Variants in LRP1B observed in about 807,000 individuals in gnomAD.
LRP1B encodes low-density lipoprotein receptor-related protein 1B.
Under a neutral mutation model 556.6 loss-of-function variants are expected in LRP1B, and 217 were observed. The ratio of observed to expected loss-of-function variants is 0.39; its 90% CI spans 0.35 to 0.44. The LOEUF (loss-of-function observed/expected upper bound fraction) is 0.44. Among genes scored for constraint, LRP1B ranks in the 20% least tolerant of loss-of-function variants. LRP1B has a pLI of 1.00. For synonymous variants in LRP1B, 2,047 were observed against 1,865.8 expected, an observed-to-expected ratio of 1.10 and a Z score of -2.50; for missense variants, 5,053 against 5,620.8, an observed-to-expected ratio of 0.90 and a Z score of 3.23.
chr2:141,207,067 T>C (rs1682317826), intron 6 of LRP1B, among the ~76,000 whole-genome samples: 1 of 152,202 alleles, frequency 6.6e-6, no homozygotes, highest in Non-Finnish European at 1.5e-5. Context: ...AGCACAATTT[T>C]GATAAAGACC....
chr2:141,356,914 G>A (rs57659611), intron 3 of LRP1B, among the ~76,000 whole-genome samples: 3,123 of 152,058 alleles, frequency 0.021, 108 homozygotes, highest in African/African-American at 0.069. Context: ...AGGTTAAAAC[G>A]CCAATTATTT....
chr2:141,426,345 C>T (rs576476450), intron 3 of LRP1B, among the ~76,000 whole-genome samples: 34 of 152,136 alleles, frequency 2.2e-4, no homozygotes, highest in African/African-American at 7.2e-4. Flanking sequence ...AGTTTGAAGT[C>T]AGGTAGCGTG....
At chr2:142,130,466 A>G (rs1574717502) in intron 1 of LRP1B, among the ~76,000 whole-genome samples, 182 bp downstream of exon 1, 1 of 152,330 alleles carries the variant, frequency 6.6e-6, no homozygotes, top group Admixed American at 6.5e-5. Flanking sequence ...GGACTCAGGC[A>G]CTTGGTTCAG....
intron 1 of LRP1B, among the ~76,000 whole-genome samples, chr2:142,019,742 C>G (rs1023449216): frequency 6.6e-6 from 1 of 152,162 alleles, no homozygotes; most frequent in Admixed American, 6.5e-5. Flanking sequence ...CCAGGATGAC[C>G]ATTGACTTCC....
At chr2:140,624,758 T>G (rs955307114) in intron 41 of LRP1B, among the ~76,000 whole-genome samples, 2 of 152,148 alleles carry the variant, frequency 1.3e-5, no homozygotes, top group African/African-American at 4.8e-5. Context: ...ATTGATGAGA[T>G]AGACAACAAA....
chr2:140,801,632 C>T (rs190616319), intron 32 of LRP1B, among the ~76,000 whole-genome samples: 1 of 148,742 alleles, frequency 6.7e-6, no homozygotes, highest in African/African-American at 2.5e-5. Context: ...GCTAATAATG[C>T]TTTGGATTTT....
chr2:140,830,157 T>C (rs546471242), intron 31 of LRP1B, among the ~76,000 whole-genome samples: 9 of 152,154 alleles, frequency 5.9e-5, no homozygotes, highest in African/African-American at 2.2e-4. Flanking sequence ...ACCTGATGAC[T>C]TCACTAGCAA....
chr2:142,118,476 C>T (rs954015503), intron 1 of LRP1B, among the ~76,000 whole-genome samples: 9 of 152,244 alleles, frequency 5.9e-5, no homozygotes, highest in African/African-American at 1.4e-4. Context: ...TCTGTTCCAA[C>T]GGGTCAACAT....
chr2:141,040,851 C>T (rs778300624), intron 11 of LRP1B, among the ~76,000 whole-genome samples: 16 of 152,038 alleles, frequency 1.1e-4, no homozygotes, highest in Non-Finnish European at 2.4e-4. Flanking sequence ...GAATATAGCA[C>T]TGTCCTTTCA....
Position 141,005,213 on chromosome 2 carries a change from A to G in LRP1B, c.2503+122T>C, listed in dbSNP as rs536924962. ...AATAATTTATAGTCTAAAAAGAATT[A>G]TATCTAAATAATTATCTGAATTTCT... On this transcript the variant is annotated intron_variant, in intron 15 of 90. Transcript: ENST00000389484. 6.5e-6 allele frequency: 7 copies of G among 1,079,280 alleles called. No homozygotes were observed. The South Asian group carries it at 1.1e-4, about 18-fold the overall frequency. The allele number at this position is 1,079,280 out of a possible 1,614,324, so 66.9% of individuals were successfully genotyped here.
At position 141,005,377 on chromosome 2, in the gene LRP1B, C is replaced by T; in HGVS notation, c.2461G>A (p.Ala821Thr). 6.2e-7 allele frequency: 1 copy of T among 1,610,770 alleles called. No individual in the cohort carries two copies. Among genetic ancestry groups the T allele is most frequent in the Non-Finnish European group, 8.5e-7 (1 of 1,177,898 alleles). The change falls in exon 15 of 91, where the codon GCC (alanine) becomes ACC (threonine). Residue 821 changes from alanine (A) to threonine (T), a missense_variant. Around this residue, in one of 5 missense-constraint regions of LRP1B, gnomAD observed 3,619 missense variants for 3,931.9 expected, o/e 0.92. Coordinates refer to ENST00000389484, the MANE Select transcript of LRP1B (RefSeq NM_018557.3). ...AIPGGRVCAC[A>T]DNQLLDENGT... ...TTTTCATCCAAAAGTTGATTATCGG[C>T]ACAAGCACACACCCGGCCTCCTGGG...
At chr2:141,967,914 A>G (rs1249801699) in intron 1 of LRP1B, among the ~76,000 whole-genome samples, 1 of 151,838 alleles carries the variant, frequency 6.6e-6, no homozygotes. Flanking sequence ...AATGTGGTTA[A>G]TTTTTATCAT....
At chr2:142,083,522 A>G (rs932864610) in intron 1 of LRP1B, among the ~76,000 whole-genome samples, 1 of 152,200 alleles carries the variant, frequency 6.6e-6, no homozygotes, top group African/African-American at 2.4e-5. Context: ...TCATGTAAGT[A>G]TGTGTAAACA....
chr2:140,241,753 A>G (rs1297571928), intron 87 of LRP1B, among the ~76,000 whole-genome samples: 1 of 150,872 alleles, frequency 6.6e-6, no homozygotes, highest in African/African-American at 2.4e-5. Context: ...CTGGAAACAC[A>G]GGTATTTTTA....
intron 27 of LRP1B, among the ~76,000 whole-genome samples, chr2:140,853,690 A>AAATT (rs1692527865): frequency 6.6e-6 from 1 of 151,708 alleles, no homozygotes; most frequent in Admixed American, 6.6e-5. Context: ...TAAAAACAAT[A>AAATT]AATAAATAAA....
At chr2:141,019,004 T>A (rs950951416) in intron 12 of LRP1B, among the ~76,000 whole-genome samples, 10 of 152,044 alleles carry the variant, frequency 6.6e-5, no homozygotes, top group Admixed American at 1.3e-4. Context: ...AATCTATTTT[T>A]TGATGTCTTG....
intron 27 of LRP1B, among the ~76,000 whole-genome samples, chr2:140,852,750 G>C (rs1692497734): frequency 6.6e-6 from 1 of 152,102 alleles, no homozygotes; most frequent in Non-Finnish European, 1.5e-5. Flanking sequence ...ATTGAGAACA[G>C]AATATTAAAT....
At chr2:140,672,943 T>A in intron 41 of LRP1B, among the ~76,000 whole-genome samples, 1 of 152,214 alleles carries the variant, frequency 6.6e-6, no homozygotes, top group South Asian at 2.1e-4. Context: ...GAGCTCTCTA[T>A]GTGAATGAAC....
At chr2:142,029,757 T>C (rs75739081) in intron 1 of LRP1B, among the ~76,000 whole-genome samples, 4,381 of 152,004 alleles carry the variant, frequency 0.029, 216 homozygotes, top group East Asian at 0.2. Context: ...CCGCACAGTA[T>C]TGTTTTGTTA....
Sources: allele counts gnomAD v4.1 joint callset (sites outside exome capture counted in the v4.1 genomes callset), GRCh38; gene constraint gnomAD v4.1.1; regional missense constraint gnomAD v4.1.1; transcripts MANE v1.5; gene names NCBI Gene and HGNC (gene_info 2026-07-23, HGNC 2026-07-21).